Variants in APBB2 observed in about 807,000 individuals in gnomAD.
The protein encoded by APBB2 is Fe65-like 1.
In APBB2, 38 loss-of-function variants were observed where a neutral mutation model predicts 82.5. The observed-to-expected ratio is 0.46, with a 90% CI of 0.36 to 0.60. The LOEUF (loss-of-function observed/expected upper bound fraction) is 0.60, where lower values mean the gene tolerates loss of function less well. Ranked by LOEUF, APBB2 falls within the 20% of genes least tolerant of loss-of-function variation. APBB2 has a pLI of 0.00. For missense variants in APBB2, 772 were observed against 972.3 expected, an observed-to-expected ratio of 0.79 and a Z score of 2.74; for synonymous variants, 341 against 368.2, an observed-to-expected ratio of 0.93 and a Z score of 0.85.
chr4:41,213,090 A>G (rs1273240959), intron 1 of APBB2, among the ~76,000 whole-genome samples: 1 of 152,166 alleles, frequency 6.6e-6, no homozygotes, highest in Non-Finnish European at 1.5e-5. Flanking sequence ...ACAAGAAAAA[A>G]AAAAAAAGCA....
At chr4:41,042,432 G>A (rs557775511) in intron 4 of APBB2, among the ~76,000 whole-genome samples, 8 of 152,308 alleles carry the variant, frequency 5.3e-5, no homozygotes, top group African/African-American at 1.2e-4. Context: ...AATCAACAGC[G>A]TCTCTGCATC....
Position 40,893,155 on chromosome 4 carries a change from T to A in APBB2, c.1401+110A>T, listed in dbSNP as rs936123639. ...TCCTGCATTAATGGGAAAAGGCACC[T>A]GATGAACACCTCGGAGCCCCTCAGT... is the stretch of plus-strand genomic sequence containing the variant. On this transcript the variant is annotated intron_variant, in intron 11 of 17. Coordinates refer to ENST00000508593, the MANE Select transcript of APBB2 (RefSeq NM_004307.2). 7 of 1,348,150 alleles carry A rather than the reference T, an allele frequency of 5.2e-6. No individual in the cohort carries two copies. The African/African-American group carries it at 8.9e-5, about 17-fold the overall frequency. 83.5% of individuals were successfully genotyped at this position (1,348,150 alleles called of 1,614,324 possible).
chr4:40,986,503 T>C (rs1033174902), intron 6 of APBB2, among the ~76,000 whole-genome samples: 1 of 152,224 alleles, frequency 6.6e-6, no homozygotes, highest in Non-Finnish European at 1.5e-5. Context: ...ACATACTCAT[T>C]TGCCTGGACA....
At chr4:41,173,522 T>A (rs993702848) in intron 1 of APBB2, among the ~76,000 whole-genome samples, 7 of 152,164 alleles carry the variant, frequency 4.6e-5, no homozygotes, top group Non-Finnish European at 8.8e-5. Context: ...GTAAAAAATG[T>A]CTCCACGGAA....
intron 2 of APBB2, among the ~76,000 whole-genome samples, chr4:41,112,393 CCAAAAAG>C (rs1204847930): frequency 6.6e-6 from 1 of 152,148 alleles, no homozygotes; most frequent in Non-Finnish European, 1.5e-5. Flanking sequence ...ACAGGCAGGG[CCAAAAAG>C]AAGGCACCCA....
At chr4:41,107,052 A>G (rs1217789244) in intron 2 of APBB2, among the ~76,000 whole-genome samples, 1 of 152,136 alleles carries the variant, frequency 6.6e-6, no homozygotes, top group Non-Finnish European at 1.5e-5. Context: ...GCTCATGCCT[A>G]TCATCTTAGC....
At chr4:41,046,231 T>C (rs1723386666) in intron 4 of APBB2, among the ~76,000 whole-genome samples, 1 of 152,222 alleles carries the variant, frequency 6.6e-6, no homozygotes, top group African/African-American at 2.4e-5. Flanking sequence ...CTGCTTTCCA[T>C]GCTATATTTG....
rs1427696461 is a variant in APBB2, at chr4:41,214,433, T to C, written c.-445A>G. ...TGGTGCGCGCGGCGCTCGCCTCGGC[T>C]CCGGCGCCCAGCGGCTCTGCTCCAG... On this transcript the variant is annotated 5_prime_UTR_variant, in exon 1 of 18. Coordinates refer to ENST00000508593, the MANE Select transcript of APBB2 (RefSeq NM_004307.2). The C allele has an allele frequency of 6.6e-6, 1 of 152,426 alleles. No individual in the cohort carries two copies. The highest frequency in any genetic ancestry group is 1.5e-5 in the Non-Finnish European group (1 of 68,232). 9.4% of individuals were successfully genotyped at this position (152,426 alleles called of 1,614,324 possible).
chr4:40,877,907 G>T (rs937821854), intron 12 of APBB2, among the ~76,000 whole-genome samples: 2 of 152,202 alleles, frequency 1.3e-5, no homozygotes, highest in Non-Finnish European at 2.9e-5. Context: ...CAGGGTACAG[G>T]GCATGGGGCT....
At chr4:40,879,938 C>T (rs566141713) in intron 12 of APBB2, 31 of 887,650 alleles carry the variant, frequency 3.5e-5, no homozygotes, top group Admixed American at 6.2e-5. Flanking sequence ...GTGATCTGCC[C>T]GCCTCAGCCT....
intron 4 of APBB2, among the ~76,000 whole-genome samples, chr4:41,050,469 T>G (rs1725529396): frequency 6.6e-6 from 1 of 152,202 alleles, no homozygotes; most frequent in Non-Finnish European, 1.5e-5. Context: ...ATGCATATTG[T>G]TTTTCCAGAG....
chr4:41,170,984 T>A, intron 1 of APBB2, among the ~76,000 whole-genome samples: 1 of 152,214 alleles, frequency 6.6e-6, no homozygotes, highest in East Asian at 1.9e-4. Context: ...TCTGATAACA[T>A]CCAGTGACTC....
chr4:41,147,078 C>T (rs1444897791), intron 1 of APBB2, among the ~76,000 whole-genome samples: 5 of 152,210 alleles, frequency 3.3e-5, no homozygotes, highest in African/African-American at 1.2e-4. Flanking sequence ...CCCTTTGATG[C>T]CTCAGTTCTA....
intron 10 of APBB2, among the ~76,000 whole-genome samples, chr4:40,927,555 A>G (rs1045036454): frequency 2.0e-5 from 3 of 152,068 alleles, no homozygotes; most frequent in Non-Finnish European, 4.4e-5. Flanking sequence ...ATCATGGCTC[A>G]CTGTAGCCTC....
At chr4:41,166,564 C>T (rs62409997) in intron 1 of APBB2, among the ~76,000 whole-genome samples, 1 of 140,862 alleles carries the variant, frequency 7.1e-6, no homozygotes, top group Non-Finnish European at 1.5e-5. Flanking sequence ...GTCAACAGAG[C>T]GAGACTGTCA....
intron 12 of APBB2, among the ~76,000 whole-genome samples, chr4:40,878,134 G>A (rs1204148874): frequency 6.6e-6 from 1 of 150,376 alleles, no homozygotes; most frequent in Non-Finnish European, 1.5e-5. Flanking sequence ...ATCACTTGAG[G>A]CCAGGAGTTC....
intron 7 of APBB2, 147 bp from the exon 8 acceptor site, chr4:40,935,286 G>A: frequency 1.6e-6 from 1 of 612,422 alleles, no homozygotes; most frequent in Non-Finnish European, 2.8e-6. Context: ...ACAGCAACTT[G>A]TTGGCTCACT....
chr4:41,031,438 C>T (rs1716759304), intron 5 of APBB2, among the ~76,000 whole-genome samples: 1 of 152,222 alleles, frequency 6.6e-6, no homozygotes, highest in East Asian at 1.9e-4. Context: ...CTAGGAATAC[C>T]TCTTTCCCTG....
chr4:40,991,295 G>A (rs960834317), intron 6 of APBB2, among the ~76,000 whole-genome samples: 5 of 150,268 alleles, frequency 3.3e-5, no homozygotes, highest in African/African-American at 4.9e-5. Context: ...AGGATTACAG[G>A]TGTGAGCCAC....
Sources: allele counts gnomAD v4.1 joint callset (sites outside exome capture counted in the v4.1 genomes callset), GRCh38; gene constraint gnomAD v4.1.1; transcripts MANE v1.5; gene names NCBI Gene and HGNC (gene_info 2026-07-23, HGNC 2026-07-21).